The following EVC2 variants were observed in gnomAD, a reference collection of about 807,000 sequenced individuals.
EVC2 encodes EvC ciliary complex subunit 2, also known as limbin.
EVC2 carries 148 observed loss-of-function variants against 149.3 expected under a neutral mutation model. That is an observed-to-expected ratio of 0.99 (90% CI 0.87 to 1.14). The LOEUF is 1.14. Ranked by LOEUF, EVC2 falls within the 50% of genes most tolerant of loss-of-function variation. The pLI, the probability that EVC2 is intolerant of heterozygous loss-of-function variation, is 0.00. For synonymous variants in EVC2, 776 were observed against 649.9 expected, an observed-to-expected ratio of 1.19 and a Z score of -2.95; for missense variants, 1,854 against 1,627.3, an observed-to-expected ratio of 1.14 and a Z score of -2.40.
chr4:5,632,134 G>A (rs1490087981), intron 10 of EVC2, 102 bp from the exon 11 acceptor site: 20 of 1,483,068 alleles, frequency 1.3e-5, no homozygotes, highest in African/African-American at 2.8e-5. Context: ...CACACAATGT[G>A]TACATGAACA....
At chr4:5,536,660 T>G in the EVC2 span, among the ~76,000 whole-genome samples, 1 of 152,008 alleles carries the variant, frequency 6.6e-6, no homozygotes, top group Non-Finnish European at 1.5e-5. Context: ...GGCGGGCACC[T>G]GTAGTCCCAG....
At chr4:5,655,330 T>C (rs1718444159) in intron 9 of EVC2, among the ~76,000 whole-genome samples, 1 of 152,154 alleles carries the variant, frequency 6.6e-6, no homozygotes, top group Admixed American at 6.5e-5. Context: ...ACTCTGATAC[T>C]GATCCTTCCA....
At chr4:5,684,137 C>T (rs1720534106) in intron 6 of EVC2, among the ~76,000 whole-genome samples, 1 of 152,120 alleles carries the variant, frequency 6.6e-6, no homozygotes, top group African/African-American at 2.4e-5. Flanking sequence ...TCTTCTGGAC[C>T]ATTTTATCCA....
intron 16 of EVC2, among the ~76,000 whole-genome samples, chr4:5,586,354 T>C (rs746759490): frequency 2.6e-5 from 4 of 152,142 alleles, no homozygotes; most frequent in Non-Finnish European, 4.4e-5. Context: ...GTACCTTCAA[T>C]TGATATTATA....
chr4:5,621,970 T>C (rs1715719271), intron 14 of EVC2, among the ~76,000 whole-genome samples: 1 of 152,146 alleles, frequency 6.6e-6, no homozygotes, highest in Non-Finnish European at 1.5e-5. Flanking sequence ...GAATTAATAA[T>C]AAAGATACAT....
At chr4:5,666,338 A>G (rs1719283879) in intron 7 of EVC2, among the ~76,000 whole-genome samples, 1 of 151,898 alleles carries the variant, frequency 6.6e-6, no homozygotes, top group Non-Finnish European at 1.5e-5. Flanking sequence ...AAATTTGCTC[A>G]CTGCAGAGTA....
chr4:5,593,427 T>A (rs1346714488), intron 16 of EVC2, among the ~76,000 whole-genome samples: 1 of 152,234 alleles, frequency 6.6e-6, no homozygotes, highest in African/African-American at 2.4e-5. Flanking sequence ...GGTTAAATTC[T>A]TTCTTCTTAG....
intron 9 of EVC2, among the ~76,000 whole-genome samples, chr4:5,642,985 G>C (rs1026661798): frequency 6.6e-6 from 1 of 152,110 alleles, no homozygotes; most frequent in Non-Finnish European, 1.5e-5. Flanking sequence ...AACTGTCAAG[G>C]AGTCATACGC....
intron 3 of EVC2, among the ~76,000 whole-genome samples, chr4:5,693,814 C>T (rs1721281748): frequency 6.6e-6 from 1 of 152,214 alleles, no homozygotes; most frequent in Non-Finnish European, 1.5e-5. Context: ...ACAGCAAGAG[C>T]ACGGAGCTCT....
intron 21 of EVC2, among the ~76,000 whole-genome samples, chr4:5,554,109 T>C (rs1407311652): frequency 6.6e-6 from 1 of 152,134 alleles, no homozygotes; most frequent in Admixed American, 6.5e-5. Flanking sequence ...AGTCCCAACA[T>C]GTTAAGAGCT....
rs931547972 is a variant in EVC2 at position 5,568,477 on chromosome 4, C to G, written c.3524G>C (p.Gly1175Ala). 2.5e-6 allele frequency: 4 copies of G among 1,577,592 alleles called. No individual in the cohort carries two copies. In the African/African-American group the frequency reaches 5.4e-5, roughly 21 times the overall value. ...RHVDHAAESD[G>A]GAEQADVGRR... ...GCCCACGTCGGCCTGCTCCGCTCCG[C>G]CATCGCTCTCAGCTGCGTGGTCCAC... Residue 1175 changes from glycine to alanine, a missense_variant, in exon 20 of 22, where the codon GGC becomes GCC. Gly to Ala is a moderately conservative substitution (Grantham distance 60). Transcript: ENST00000344408.
At chr4:5,641,365 A>T (rs1717317498) in intron 9 of EVC2, among the ~76,000 whole-genome samples, 1 of 152,242 alleles carries the variant, frequency 6.6e-6, no homozygotes, top group Non-Finnish European at 1.5e-5. Context: ...AATTTTAACA[A>T]ATGTAACATA....
intron 9 of EVC2, among the ~76,000 whole-genome samples, chr4:5,650,726 A>G (rs1718078398): frequency 6.7e-6 from 1 of 149,288 alleles, no homozygotes; most frequent in African/African-American, 2.5e-5. Context: ...CATCTCTCTT[A>G]CAGGTAAAGA....
At chr4:5,685,271 A>G (rs779775069) in intron 6 of EVC2, 99 bp downstream of exon 6, 325 of 1,153,712 alleles carry the variant, frequency 2.8e-4, no homozygotes, top group Non-Finnish European at 4.0e-4. Context: ...CACTGAAGGA[A>G]GGAAGGAACT....
intron 9 of EVC2, among the ~76,000 whole-genome samples, chr4:5,656,515 C>G (rs1223109485): frequency 2.0e-5 from 3 of 152,188 alleles, no homozygotes; most frequent in Non-Finnish European, 4.4e-5. Flanking sequence ...GGAGACTATG[C>G]TGGATTATCC....
chr4:5,696,648 A>G lies in EVC2; in HGVS notation c.283+945T>C, dbSNP rs1214789401. Among the ~76,000 whole-genome samples, 2 of 152,220 alleles carry G rather than the reference A, an allele frequency of 1.3e-5. No homozygotes were observed. The highest frequency in any genetic ancestry group is 2.9e-5 in the Non-Finnish European group (2 of 68,040). On this transcript the variant is annotated intron_variant, in intron 2 of 21. Coordinates refer to ENST00000344408, the MANE Select transcript of EVC2 (RefSeq NM_147127.5). This position sits in a 1 kb window ranked among gnomAD's most constrained non-coding sequence, Gnocchi z 4.1. ...CCTGTGAAAGATGCTCACCAGAGGA[A>G]AGCAGGGCGGCTGAGAGGGAAGGAG...
chr4:5,595,323 G>C (rs1218795839), intron 16 of EVC2, among the ~76,000 whole-genome samples: 1 of 152,152 alleles, frequency 6.6e-6, no homozygotes, highest in Middle Eastern at 3.2e-3. Context: ...AGAGAGAAAG[G>C]TCGGGTTACC....
At chr4:5,665,741 C>CAGGG in intron 7 of EVC2, 92 bp from the exon 8 acceptor site, 1 of 1,551,860 alleles carries the variant, frequency 6.4e-7, no homozygotes, top group Non-Finnish European at 8.7e-7. Context: ...GCAGACCAAG[C>CAGGG]AGGGACCAGG....
chr4:5,671,467 C>T (rs949216901), intron 7 of EVC2, among the ~76,000 whole-genome samples: 2 of 152,216 alleles, frequency 1.3e-5, no homozygotes, highest in African/African-American at 4.8e-5. Flanking sequence ...ATTTTGTCCA[C>T]AGACCAGGCT....
Sources: gnomAD v4.1 joint callset for allele counts (sites outside exome capture counted in the v4.1 genomes callset) on GRCh38, gnomAD v4.1.1 for gene constraint, Gnocchi (gnomAD v3.1) non-coding constraint, MANE v1.5 for transcripts, NCBI Gene and HGNC (gene_info 2026-07-23, HGNC 2026-07-21) for gene names.